ZNF385D: variants seen among roughly 807,000 people sequenced by gnomAD.
ZNF385D encodes the protein zinc finger protein 385D.
Under a neutral mutation model 35.8 loss-of-function variants are expected in ZNF385D, and 15 were observed. The ratio of observed to expected loss-of-function variants is 0.42; its 90% CI spans 0.28 to 0.64. ZNF385D has a LOEUF of 0.64. Ranked by LOEUF, ZNF385D falls within the 30% of genes least tolerant of loss-of-function variation. The pLI is 0.23. For synonymous variants in ZNF385D, 212 were observed against 186.8 expected (o/e 1.13, Z -1.10); for missense variants, 474 against 494.6 (o/e 0.96, Z 0.39).
At chr3:22,352,334 G>A (rs1293701908) in intron 2 of ZNF385D, among the ~76,000 whole-genome samples, 1 of 152,154 alleles carries the variant, frequency 6.6e-6, no homozygotes, top group Non-Finnish European at 1.5e-5. Context: ...AGTTCACCAA[G>A]GCATTGCAAA....
intron 2 of ZNF385D, among the ~76,000 whole-genome samples, chr3:22,260,602 G>T (rs910540773): frequency 2.0e-5 from 3 of 151,818 alleles, no homozygotes; most frequent in Non-Finnish European, 4.4e-5. Flanking sequence ...GTATAAATTT[G>T]ATAGGTATTT....
At chr3:22,208,715 A>C (rs1174448470) in intron 2 of ZNF385D, among the ~76,000 whole-genome samples, 1 of 90,272 alleles carries the variant, frequency 1.1e-5, no homozygotes, top group African/African-American at 8.7e-5. Context: ...AAAAGTAAAA[A>C]TTAAAAAAAA....
intron 3 of ZNF385D, among the ~76,000 whole-genome samples, chr3:22,125,072 T>C (rs1320332520): frequency 6.6e-6 from 1 of 152,158 alleles, no homozygotes. Flanking sequence ...AAGCCTATAA[T>C]CGACTTTAAT....
chr3:22,338,523 A>G (rs896743501), intron 2 of ZNF385D, among the ~76,000 whole-genome samples: 3 of 152,236 alleles, frequency 2.0e-5, no homozygotes, highest in Non-Finnish European at 4.4e-5. Flanking sequence ...TATACAGTGG[A>G]TAGAAATTGA....
intron 3 of ZNF385D, among the ~76,000 whole-genome samples, chr3:21,821,621 A>C (rs28526667): frequency 0.083 from 12,609 of 152,222 alleles, 584 homozygotes; most frequent in Non-Finnish European, 0.11. Context: ...GACTTCATTG[A>C]TAACCAGAAA....
chr3:21,752,469 T>C (rs2070147888), upstream of ZNF385D, among the ~76,000 whole-genome samples: 1 of 152,198 alleles, frequency 6.6e-6, no homozygotes, highest in Non-Finnish European at 1.5e-5. Flanking sequence ...TCTATATCTC[T>C]TGGTGGATTT....
intron 2 of ZNF385D, among the ~76,000 whole-genome samples, chr3:21,663,410 C>A (rs909087708): frequency 6.6e-6 from 1 of 152,018 alleles, no homozygotes; most frequent in East Asian, 1.9e-4. Flanking sequence ...GACATGGGAC[C>A]GCAGTGATGG....
chr3:22,135,463 G>T (rs1239673780), intron 3 of ZNF385D, among the ~76,000 whole-genome samples: 1 of 152,102 alleles, frequency 6.6e-6, no homozygotes, highest in Non-Finnish European at 1.5e-5. Flanking sequence ...TCCAGGCACT[G>T]TATGTTACAT....
intron 4 of ZNF385D, among the ~76,000 whole-genome samples, chr3:21,496,708 CA>C (rs1705922912): frequency 6.6e-6 from 1 of 151,596 alleles, no homozygotes; most frequent in Non-Finnish European, 1.5e-5. Flanking sequence ...CTACCATAAT[CA>C]AATAGGCTTT....
intron 3 of ZNF385D, among the ~76,000 whole-genome samples, chr3:21,890,256 GA>G (rs1401799955): frequency 3.3e-5 from 5 of 151,990 alleles, no homozygotes; most frequent in African/African-American, 1.2e-4. Flanking sequence ...CTCAAACTGA[GA>G]AAAAAAGTTT....
chr3:22,240,527 C>T (rs973030065), intron 2 of ZNF385D, among the ~76,000 whole-genome samples: 1 of 151,082 alleles, frequency 6.6e-6, no homozygotes, highest in African/African-American at 2.4e-5. Flanking sequence ...TATTGAACTC[C>T]TTTCAGATCT....
At chr3:21,619,309 G>A (rs2064935558) in intron 2 of ZNF385D, among the ~76,000 whole-genome samples, 1 of 152,098 alleles carries the variant, frequency 6.6e-6, no homozygotes, top group South Asian at 2.1e-4. Context: ...CATCCTCACA[G>A]TGACTGGCTT....
chr3:21,884,041 A>G (rs776144228), intron 3 of ZNF385D, among the ~76,000 whole-genome samples: 4 of 152,072 alleles, frequency 2.6e-5, no homozygotes, highest in African/African-American at 9.7e-5. Context: ...GACATGTAGC[A>G]TAACACACAC....
At chr3:21,484,819 G>T (rs1288111477) in intron 4 of ZNF385D, among the ~76,000 whole-genome samples, 3 of 152,154 alleles carry the variant, frequency 2.0e-5, no homozygotes, top group African/African-American at 4.8e-5. Flanking sequence ...GAATATGACT[G>T]AAAAGAGCAG....
At chr3:22,337,568 C>T (rs570597289) in intron 2 of ZNF385D, among the ~76,000 whole-genome samples, 39 of 152,122 alleles carry the variant, frequency 2.6e-4, no homozygotes, top group Non-Finnish European at 4.9e-4. Context: ...TTAAAATACT[C>T]ATTTGGTACA....
intron 2 of ZNF385D, among the ~76,000 whole-genome samples, chr3:21,621,118 T>G (rs532498648): frequency 4.2e-4 from 64 of 152,280 alleles, no homozygotes; most frequent in African/African-American, 1.5e-3. Context: ...ATAGGGAGGC[T>G]GCAAAAGCAC....
chr3:21,678,367 C>T (rs995769965), intron 1 of ZNF385D, among the ~76,000 whole-genome samples: 17 of 152,056 alleles, frequency 1.1e-4, no homozygotes, highest in Non-Finnish European at 2.2e-4. Flanking sequence ...GGTAAATCTA[C>T]CTGAGATTCG....
intron 3 of ZNF385D, among the ~76,000 whole-genome samples, chr3:22,060,248 A>T (rs1699623003): frequency 6.6e-6 from 1 of 152,174 alleles, no homozygotes; most frequent in Non-Finnish European, 1.5e-5. Flanking sequence ...TATGTGAGCC[A>T]ATTCCCATAA....
intron 5 of ZNF385D, among the ~76,000 whole-genome samples, chr3:21,431,441 A>T (rs978710428): frequency 6.6e-6 from 1 of 152,194 alleles, no homozygotes; most frequent in South Asian, 2.1e-4. Flanking sequence ...GATGATAAAA[A>T]TATTCCATAT....
Sources: allele counts gnomAD v4.1 joint callset (sites outside exome capture counted in the v4.1 genomes callset), GRCh38; gene constraint gnomAD v4.1.1; transcripts MANE v1.5; gene names NCBI Gene and HGNC (gene_info 2026-07-23, HGNC 2026-07-21).